Variants in BRD4 observed in about 807,000 individuals in gnomAD.
The protein encoded by BRD4 is bromodomain containing 4.
In BRD4, 16 loss-of-function variants were observed where a neutral mutation model predicts 142.1. The ratio of observed to expected loss-of-function variants is 0.11; its 90% CI spans 0.08 to 0.17. The LOEUF is 0.17. Among genes scored for constraint, BRD4 ranks in the 10% least tolerant of loss-of-function variants. The pLI is 1.00. For missense variants in BRD4, 1,424 were observed against 1,810.9 expected (o/e 0.79, Z 3.88); for synonymous variants, 833 against 707.5 (o/e 1.18, Z -2.82).
At chr19:15,251,512 TCCCCCACCCTGA>T (rs1443426602) in intron 11 of BRD4, among the ~76,000 whole-genome samples, 1 of 122,006 alleles carries the variant, frequency 8.2e-6, no homozygotes, top group Non-Finnish European at 1.6e-5. Flanking sequence ...GAAATAATGT[TCCCCCACCCTGA>T]CCCACTCCCG....
intron 1 of BRD4, among the ~76,000 whole-genome samples, chr19:15,301,146 T>C (rs548695919): frequency 1.3e-5 from 2 of 152,334 alleles, no homozygotes; most frequent in African/African-American, 4.8e-5. Context: ...ATGACTCTAA[T>C]AAACTATGTT....
At chr19:15,320,448 G>A (rs984309524) in intron 1 of BRD4, among the ~76,000 whole-genome samples, 3 of 152,122 alleles carry the variant, frequency 2.0e-5, no homozygotes, top group Non-Finnish European at 4.4e-5. Context: ...ATAGTTACTA[G>A]TAATAACAAT....
Position 15,256,136 on chromosome 19 carries a change from T to A in BRD4, c.1679A>T (p.Asn560Ile). ...AGGTTCCTTGGCTTTGCTTTTTTTA[T>A]TCTCTTCCACTTCCTCTTTCCTTTT... ...KHKRKEEVEENKKSKAKEPPP... is the reference protein window; with the variant it reads ...KHKRKEEVEEIKKSKAKEPPP... The change falls in exon 9 of 20, where the codon AAT (asparagine) becomes ATT (isoleucine). Residue 560 changes from asparagine (N) to isoleucine (I), a missense_variant. Around this residue, in one of 16 missense-constraint regions of BRD4, gnomAD observed 86 missense variants for 78.9 expected, o/e 1.09. Transcript: ENST00000679869. 6.2e-7 allele frequency: 1 copy of A among 1,611,928 alleles called. No individual in the cohort carries two copies. The highest frequency in any genetic ancestry group is 8.5e-7 in the Non-Finnish European group (1 of 1,179,844).
chr19:15,274,069 A>G (rs1305904360), intron 1 of BRD4, among the ~76,000 whole-genome samples: 1 of 152,238 alleles, frequency 6.6e-6, no homozygotes, highest in Non-Finnish European at 1.5e-5. Context: ...AAGCAACTCC[A>G]TGGACTAGGC....
intron 1 of BRD4, among the ~76,000 whole-genome samples, chr19:15,324,437 T>C (rs1488838221): frequency 1.3e-5 from 2 of 152,254 alleles, no homozygotes; most frequent in Non-Finnish European, 1.5e-5. Flanking sequence ...CTGGTTCTTC[T>C]GGTCAAAAGG....
chr19:15,300,328 A>G (rs532988056), intron 1 of BRD4, among the ~76,000 whole-genome samples: 1 of 152,086 alleles, frequency 6.6e-6, no homozygotes, highest in South Asian at 2.1e-4. Flanking sequence ...TTAGCAGGCC[A>G]ATCACTTGAG....
intron 1 of BRD4, among the ~76,000 whole-genome samples, chr19:15,312,991 G>C (rs1025828135): frequency 2.0e-5 from 3 of 152,116 alleles, no homozygotes; most frequent in Non-Finnish European, 4.4e-5. Flanking sequence ...AGGATAGCTT[G>C]AGACTGGAGG....
intron 7 of BRD4, among the ~76,000 whole-genome samples, chr19:15,257,919 G>A (rs936345045): frequency 2.6e-5 from 4 of 152,166 alleles, no homozygotes; most frequent in Non-Finnish European, 5.9e-5. Context: ...ATGGAACCAC[G>A]TGGGGTCATG....
intron 14 of BRD4, among the ~76,000 whole-genome samples, chr19:15,242,187 G>A (rs968107881): frequency 6.6e-6 from 1 of 151,644 alleles, no homozygotes; most frequent in East Asian, 1.9e-4. Flanking sequence ...GGCAGCACCC[G>A]GTACACACCC....
intron 1 of BRD4, among the ~76,000 whole-genome samples, chr19:15,328,151 T>C (rs1295775733): frequency 1.3e-5 from 2 of 152,258 alleles, no homozygotes; most frequent in African/African-American, 4.8e-5. Flanking sequence ...ACTACGCATA[T>C]TAAAGTCATT....
At chr19:15,324,013 C>G (rs1004513775) in intron 1 of BRD4, among the ~76,000 whole-genome samples, 1 of 152,140 alleles carries the variant, frequency 6.6e-6, no homozygotes, top group East Asian at 1.9e-4. Flanking sequence ...CTTATGGAGA[C>G]GATGTAACTC....
intron 1 of BRD4, among the ~76,000 whole-genome samples, chr19:15,273,386 G>A (rs1406064681): frequency 6.6e-6 from 1 of 152,238 alleles, no homozygotes; most frequent in African/African-American, 2.4e-5. Context: ...GAGCCCACTA[G>A]GAGCCAGCAA....
At chr19:15,274,383 G>C (rs773542376) in intron 1 of BRD4, among the ~76,000 whole-genome samples, 2 of 152,300 alleles carry the variant, frequency 1.3e-5, no homozygotes, top group African/African-American at 2.4e-5. Context: ...TCAAGGGGAG[G>C]GGAGGCCTAA....
intron 1 of BRD4, among the ~76,000 whole-genome samples, chr19:15,321,881 C>G (rs1396090447): frequency 6.6e-6 from 1 of 152,154 alleles, no homozygotes; most frequent in East Asian, 1.9e-4. Flanking sequence ...CACCCTACCC[C>G]CTACAAAGCT....
chr19:15,304,383 T>TG (rs2047896152), intron 1 of BRD4, among the ~76,000 whole-genome samples: 1 of 152,236 alleles, frequency 6.6e-6, no homozygotes, highest in Non-Finnish European at 1.5e-5. Context: ...GAATCAGCCT[T>TG]GTCACTGTGC....
At chr19:15,287,240 CTTTT>C (rs200705352) in intron 1 of BRD4, among the ~76,000 whole-genome samples, 2 of 145,254 alleles carry the variant, frequency 1.4e-5, no homozygotes, top group East Asian at 2.0e-4. Flanking sequence ...TGCCTTTATT[CTTTT>C]TTTTTTTAAG....
intron 1 of BRD4, among the ~76,000 whole-genome samples, chr19:15,304,201 A>G (rs2047894660): frequency 6.6e-6 from 1 of 152,164 alleles, no homozygotes; most frequent in Admixed American, 6.5e-5. Flanking sequence ...ATAAATGCTG[A>G]CGACTACCAG....
intron 7 of BRD4, among the ~76,000 whole-genome samples, chr19:15,263,035 AG>A (rs2047490836): frequency 6.6e-6 from 1 of 152,124 alleles, no homozygotes; most frequent in Non-Finnish European, 1.5e-5. Flanking sequence ...GCTCTGGTGG[AG>A]GGATGTCCAC....
At chr19:15,285,587 G>A (rs1205974577) in intron 1 of BRD4, among the ~76,000 whole-genome samples, 2 of 151,978 alleles carry the variant, frequency 1.3e-5, no homozygotes, top group East Asian at 3.9e-4. Flanking sequence ...AAAAATCTAA[G>A]GATGTAGAAA....
Sources: gnomAD v4.1 joint callset for allele counts (sites outside exome capture counted in the v4.1 genomes callset) on GRCh38, gnomAD v4.1.1 for gene constraint, gnomAD v4.1.1 regional missense constraint, MANE v1.5 for transcripts, NCBI Gene and HGNC (gene_info 2026-07-23, HGNC 2026-07-21) for gene names.